Variants in ITPR3 observed in about 807,000 individuals in gnomAD.
ITPR3 encodes inositol 1,4,5-trisphosphate receptor type 3.
Under a neutral mutation model 293.2 loss-of-function variants are expected in ITPR3, and 173 were observed. That is an observed-to-expected ratio of 0.59 (90% CI 0.52 to 0.67). The LOEUF (loss-of-function observed/expected upper bound fraction) is 0.67, where lower values mean the gene tolerates loss of function less well. ITPR3 is among the 30% of genes least tolerant of loss of function. The pLI is 0.00. For missense variants in ITPR3, 2,796 were observed against 3,592.1 expected (o/e 0.78, Z 5.66); for synonymous variants, 1,295 against 1,444.4 (o/e 0.90, Z 2.35).
In ITPR3 at chr6:33,662,925, C is replaced by T; in HGVS notation, c.873C>T (p.Asp291=). Reference sequence around the variant, plus strand: ...TGTGCCCCTAGGTGGTCCACCACGACCCCTGCCGTGGAGGAGCTGGGCACT... The same window carrying T: ...TGTGCCCCTAGGTGGTCCACCACGATCCCTGCCGTGGAGGAGCTGGGCACT... ...ALWEVEVVHH[D]PCRGGAGHWN... Residue 291 remains aspartate (D), a synonymous_variant, in exon 9 of 58, where the codon GAC becomes GAT. Coordinates refer to ENST00000605930, the MANE Select transcript of ITPR3 (RefSeq NM_002224.4). 2 of 1,599,198 alleles carry T rather than the reference C, an allele frequency of 1.3e-6. No individual in the cohort carries two copies. The highest frequency in any genetic ancestry group is 1.7e-6 in the Non-Finnish European group (2 of 1,172,182).
Position 33,675,511 on chromosome 6 carries a change from A to T in ITPR3, c.3117-180A>T, listed in dbSNP as rs1764881377. On this transcript the variant is annotated intron_variant, in intron 24 of 57. Coordinates refer to ENST00000605930, the MANE Select transcript of ITPR3 (RefSeq NM_002224.4). This position sits in a 1 kb window ranked among gnomAD's most constrained non-coding sequence, Gnocchi z 5.0. The stretch of plus-strand genomic sequence containing the variant: ...CCAGGAGACACGGGTCACTCCGGAG[A>T]TTCAGGGGAGTGGCTGTTAAACTGC... 6.6e-6 allele frequency among the ~76,000 whole-genome samples: 1 copy of T among 151,968 alleles called. No individual in the cohort carries two copies. Among genetic ancestry groups the T allele is most frequent in the African/African-American group, 2.4e-5 (1 of 41,332 alleles).
rs369668209 is a variant in ITPR3 at position 33,688,194 on chromosome 6, C to T, written c.6375+27C>T. On this transcript the variant is annotated intron_variant, in intron 47 of 57. Coordinates refer to ENST00000605930, the MANE Select transcript of ITPR3 (RefSeq NM_002224.4). ...TGGGCCTGTGGGCAGCAGGGGCGGG[C>T]GTGGGAGCCTGCGCCGGGCGTGACC... The T allele has an allele frequency of 7.7e-5, 125 of 1,613,818 alleles. No individual in the cohort carries two copies. In the African/African-American group the frequency reaches 1.4e-3, roughly 18 times the overall value.
At chr6:33,644,662 G>GTTTT (rs61492756) in intron 2 of ITPR3, among the ~76,000 whole-genome samples, 4 of 124,370 alleles carry the variant, frequency 3.2e-5, no homozygotes, top group Non-Finnish European at 5.0e-5. Context: ...CACAATATAG[G>GTTTT]TTTTTTTTTT....
chr6:33,685,976 A>C, intron 41 of ITPR3, 77 bp from the exon 42 acceptor site: 1 of 1,559,158 alleles, frequency 6.4e-7, no homozygotes, highest in Non-Finnish European at 8.8e-7. Context: ...CCTGCAGCAC[A>C]CAAGATCGTG....
At chr6:33,689,553 G>A (rs182114606) in intron 50 of ITPR3, 143 bp downstream of exon 50, 14 of 894,290 alleles carry the variant, frequency 1.6e-5, no homozygotes, top group South Asian at 1.7e-5. Flanking sequence ...CTTATAGACC[G>A]GTGGCAGGGA....
At chr6:33,676,708 T>G in intron 25 of ITPR3, 60 bp from the exon 26 acceptor site, 1 of 1,590,880 alleles carries the variant, frequency 6.3e-7, no homozygotes, top group Non-Finnish European at 8.6e-7. Context: ...GTGCTGGAGG[T>G]CTCTAAGTGG....
intron 21 of ITPR3, 109 bp downstream of exon 21, chr6:33,671,415 A>C: frequency 6.8e-6 from 5 of 731,986 alleles, no homozygotes; most frequent in Non-Finnish European, 1.1e-5. Flanking sequence ...CCCCCACCCA[A>C]CCTGGCTCTG....
chr6:33,686,534 C>T lies in ITPR3; in HGVS notation c.5979+15C>T, dbSNP rs762395612. On this transcript the variant is annotated intron_variant, in intron 43 of 57. Coordinates refer to ENST00000605930, the MANE Select transcript of ITPR3 (RefSeq NM_002224.4). ...TGCAGCTCAAGGTGGGGCCCAGTGG[C>T]AGGTGTGTGAGTGCTGGGTGTGCAT... is the stretch of plus-strand genomic sequence containing the variant. 2.5e-6 allele frequency: 4 copies of T among 1,593,948 alleles called. No homozygotes were observed. Among genetic ancestry groups the T allele is most frequent in the Non-Finnish European group, 3.4e-6 (4 of 1,161,640 alleles).
intron 1 of ITPR3, among the ~76,000 whole-genome samples, chr6:33,640,153 T>C (rs1763915195): frequency 6.6e-6 from 1 of 152,030 alleles, no homozygotes; most frequent in African/African-American, 2.4e-5. Context: ...GGCAGCAGGG[T>C]CTCAGGGCTG....
chr6:33,646,091 C>T (rs963164256), intron 2 of ITPR3, among the ~76,000 whole-genome samples: 1 of 152,164 alleles, frequency 6.6e-6, no homozygotes, highest in Non-Finnish European at 1.5e-5. Context: ...CCGCCTCGGT[C>T]TCCCAAAGTG....
At chr6:33,662,163 G>C (rs1346964050) in intron 7 of ITPR3, among the ~76,000 whole-genome samples, 1 of 152,000 alleles carries the variant, frequency 6.6e-6, no homozygotes. Flanking sequence ...CCATGGCCCC[G>C]GGGACACTGA....
rs1166595145 is a variant in ITPR3, at chr6:33,673,405, G to A, written c.2929-186G>A. On this transcript the variant is annotated intron_variant, in intron 22 of 57. Coordinates refer to ENST00000605930, the MANE Select transcript of ITPR3 (RefSeq NM_002224.4). ...GAGGGCACCCTGGGCCTGGGGAGAG[G>A]GGTCTTGTTTTCTTGCTGTGACATC... Among the ~76,000 whole-genome samples, 3 of 131,262 alleles carry A rather than the reference G, an allele frequency of 2.3e-5. No individual in the cohort carries two copies. In the East Asian group the frequency reaches 6.4e-4, roughly 28 times the overall value. 86.1% of individuals were successfully genotyped at this position (131,262 alleles called of 152,430 possible). A position where few individuals can be genotyped will look rare whatever the true frequency, so the allele number is the denominator to read the frequency against.
intron 9 of ITPR3, 107 bp downstream of exon 9, chr6:33,663,113 C>T (rs987000813): frequency 2.6e-5 from 23 of 890,222 alleles, no homozygotes; most frequent in Non-Finnish European, 4.1e-5. Context: ...TGCCTATGGA[C>T]CCTGACTTCT....
At chr6:33,637,068 A>G (rs1368688228) in intron 1 of ITPR3, among the ~76,000 whole-genome samples, 1 of 152,224 alleles carries the variant, frequency 6.6e-6, no homozygotes, top group African/African-American at 2.4e-5. Context: ...AGAAACTTAA[A>G]TAACAATATA....
rs906077852 is a variant in ITPR3 at position 33,632,422 on chromosome 6, C to A, written c.90-8062C>A. ...CTCCTCCTTATCTAATCTTTCCAGACAGCACTGACCCACCCTGCTACCTTT... is the reference window on the plus strand; with the variant it reads ...CTCCTCCTTATCTAATCTTTCCAGAAAGCACTGACCCACCCTGCTACCTTT... On this transcript the variant is annotated intron_variant, in intron 1 of 57. Transcript: ENST00000605930. The surrounding 1 kb of genome is among the most constrained non-coding windows in gnomAD (Gnocchi z 4.1). Among the ~76,000 whole-genome samples the A allele has an allele frequency of 1.3e-5, 2 of 152,224 alleles. No homozygotes were observed. The highest frequency in any genetic ancestry group is 6.5e-5 in the Admixed American group (1 of 15,284).
intron 9 of ITPR3, 100 bp downstream of exon 9, chr6:33,663,106 C>G: frequency 1.0e-6 from 1 of 974,542 alleles, no homozygotes; most frequent in Non-Finnish European, 1.6e-6. Context: ...GCACATGTGC[C>G]TATGGACCCT....
At chr6:33,678,017 A>G (rs955167539) in intron 28 of ITPR3, among the ~76,000 whole-genome samples, 4 of 151,934 alleles carry the variant, frequency 2.6e-5, no homozygotes, top group African/African-American at 9.7e-5. Flanking sequence ...CATGACATCA[A>G]TGCTGGCCTT....
chr6:33,626,558 T>C (rs1763554484), intron 1 of ITPR3, among the ~76,000 whole-genome samples: 1 of 152,220 alleles, frequency 6.6e-6, no homozygotes. Context: ...GGCCCATCTC[T>C]TTGCCCTCAT....
In ITPR3 at chr6:33,659,554, G is replaced by A; in HGVS notation, c.711+5G>A. 6.2e-7 allele frequency: 1 copy of A among 1,611,372 alleles called. No homozygotes were observed. Among genetic ancestry groups the A allele is most frequent in the South Asian group, 1.1e-5 (1 of 91,000 alleles). Reference sequence around the variant, plus strand: ...CTGGAGGAGGTGTTGAAAGGGGTAAGGACTGGGAACCCCTGCCCTGCCCAG... The same window carrying A: ...CTGGAGGAGGTGTTGAAAGGGGTAAAGACTGGGAACCCCTGCCCTGCCCAG... On this transcript the variant is annotated splice_donor_5th_base_variant and intron_variant, in intron 7 of 57. Transcript: ENST00000605930.
Sources: allele counts gnomAD v4.1 joint callset (sites outside exome capture counted in the v4.1 genomes callset), GRCh38; gene constraint gnomAD v4.1.1; non-coding constraint Gnocchi (gnomAD v3.1); transcripts MANE v1.5; gene names NCBI Gene and HGNC (gene_info 2026-07-23, HGNC 2026-07-21).